The following SLC6A9 variants were observed in gnomAD, a reference collection of about 807,000 sequenced individuals.
The protein encoded by SLC6A9 is solute carrier family 6 member 9.
In SLC6A9, 31 loss-of-function variants were observed where a neutral mutation model predicts 70.9. The ratio of observed to expected loss-of-function variants is 0.44; its 90% CI spans 0.33 to 0.59. The LOEUF is 0.59. Ranked by LOEUF, SLC6A9 falls within the 20% of genes least tolerant of loss-of-function variation. The pLI is 0.04. For missense variants in SLC6A9, 631 were observed against 845.2 expected, an observed-to-expected ratio of 0.75 and a Z score of 3.14; for synonymous variants, 310 against 341.3, an observed-to-expected ratio of 0.91 and a Z score of 1.01.
chr1:44,011,565 G>A (rs750093782), intron 2 of SLC6A9: 1 of 1,613,616 alleles, frequency 6.2e-7, no homozygotes, highest in Non-Finnish European at 8.5e-7. Context: ...GCTGACCTGG[G>A]CCATGGCTAG....
At chr1:44,028,268 G>C (rs1341012885) in intron 1 of SLC6A9, among the ~76,000 whole-genome samples, 2 of 152,168 alleles carry the variant, frequency 1.3e-5, no homozygotes, top group African/African-American at 4.8e-5. Context: ...AGAGAGGCCT[G>C]GCCAGGGCCT....
chr1:44,027,650 C>A (rs1344329502), intron 1 of SLC6A9, among the ~76,000 whole-genome samples: 1 of 152,182 alleles, frequency 6.6e-6, no homozygotes. Flanking sequence ...GACTAAGGGG[C>A]AAGAGTTAAA....
intron 2 of SLC6A9, chr1:44,011,516 C>G (rs2154306167): frequency 1.3e-6 from 2 of 1,575,702 alleles, no homozygotes; most frequent in East Asian, 4.5e-5. Flanking sequence ...GTCCGGGGAG[C>G]TAGCTACACT....
At chr1:44,011,498 G>A (rs1483054443) in intron 2 of SLC6A9, 1 of 1,420,226 alleles carries the variant, frequency 7.0e-7, no homozygotes, top group African/African-American at 1.4e-5. Flanking sequence ...GGGACTCTAG[G>A]TGGGAGGGTC....
intron 2 of SLC6A9, among the ~76,000 whole-genome samples, chr1:44,014,247 G>A (rs1430073098): frequency 6.6e-6 from 1 of 152,094 alleles, no homozygotes; most frequent in Admixed American, 6.5e-5. Flanking sequence ...TCCCTAGGCA[G>A]CCCCTATGTG....
intron 2 of SLC6A9, among the ~76,000 whole-genome samples, chr1:44,019,031 A>C (rs1205778371): frequency 1.3e-5 from 2 of 152,232 alleles, no homozygotes; most frequent in Non-Finnish European, 2.9e-5. Context: ...GTTTCTCACC[A>C]TATATAACCT....
chr1:44,025,491 C>CAAAA (rs924105808), intron 1 of SLC6A9, among the ~76,000 whole-genome samples: 9 of 93,254 alleles, frequency 9.7e-5, no homozygotes, highest in African/African-American at 3.2e-4. Context: ...GGTTCCGTCT[C>CAAAA]AAAAAAAAAA....
rs1235602993 is a variant in SLC6A9 at position 44,008,710 on chromosome 1, C to CT, written c.320-88dup. 0.11 allele frequency: 83,352 copies of CT among 767,640 alleles called. 135 individuals are homozygous for CT. The highest frequency in any genetic ancestry group is 0.12 in the East Asian group (3,577 of 29,222). The allele number at this position is 767,640 out of a possible 1,614,324, so 47.6% of individuals were successfully genotyped here. The stretch of plus-strand genomic sequence containing the variant: ...TAATTTCTTTTTTTTCTTTTCTTTT[C>CT]TTTTTTTTTTTTTGAGATGGAGTCT... On this transcript the variant is annotated intron_variant, in intron 4 of 13. Coordinates refer to ENST00000372310, the MANE Select transcript of SLC6A9 (RefSeq NM_001024845.3).
Position 43,997,439 on chromosome 1 carries a change from G to T in SLC6A9, c.*106C>A. 1.0e-6 allele frequency: 1 copy of T among 985,532 alleles called. No individual in the cohort carries two copies. Among genetic ancestry groups the T allele is most frequent in the Non-Finnish European group, 1.6e-6 (1 of 631,642 alleles). The allele number at this position is 985,532 out of a possible 1,614,324, so 61.0% of individuals were successfully genotyped here. On this transcript the variant is annotated 3_prime_UTR_variant, in exon 14 of 14. Coordinates refer to ENST00000372310, the MANE Select transcript of SLC6A9 (RefSeq NM_001024845.3). The surrounding 1 kb of genome is among the most constrained non-coding windows in gnomAD (Gnocchi z 4.4). The stretch of plus-strand genomic sequence containing the variant: ...TGACCAAGGTGACAGCAGCCGTCCT[G>T]GCCAGGGCGTGGCAGGGGGCAGGCA...
At position 43,997,971 on chromosome 1, in the gene SLC6A9, G is replaced by T; in HGVS notation, c.1591C>A (p.Gln531Lys). Reference sequence around the variant, plus strand: ...ATGGCCACGGCCCAGCCTGGGTACTGGTAGTGGTTGTAGGTGATCGGCTGG... The same window carrying T: ...ATGGCCACGGCCCAGCCTGGGTACTTGTAGTGGTTGTAGGTGATCGGCTGG... ...QYQPITYNHY[Q>K]YPGWAVAIGF... Residue 531 changes from glutamine (Q) to lysine (K), a missense_variant, in exon 13 of 14, where the codon CAG (glutamine) becomes AAG (lysine). Gln to Lys is a moderately conservative substitution (Grantham distance 53). Transcript: ENST00000372310. The surrounding 1 kb of genome is among the most constrained non-coding windows in gnomAD (Gnocchi z 4.4). The T allele has an allele frequency of 6.2e-7, 1 of 1,614,116 alleles. No homozygotes were observed. The highest frequency in any genetic ancestry group is 8.5e-7 in the Non-Finnish European group (1 of 1,179,988).
intron 1 of SLC6A9, among the ~76,000 whole-genome samples, chr1:44,025,714 C>T (rs923331329): frequency 6.6e-6 from 1 of 151,526 alleles, no homozygotes; most frequent in Non-Finnish European, 1.5e-5. Context: ...GCAGAAGAAT[C>T]GCTGGAACCT....
At chr1:44,021,219 C>T (rs2086876515) in intron 2 of SLC6A9, among the ~76,000 whole-genome samples, 1 of 151,996 alleles carries the variant, frequency 6.6e-6, no homozygotes, top group Non-Finnish European at 1.5e-5. Flanking sequence ...GACCACCCCA[C>T]CCACCCCCTA....
intron 4 of SLC6A9, among the ~76,000 whole-genome samples, chr1:44,009,407 T>TAG (rs1215883441): frequency 6.6e-6 from 1 of 151,998 alleles, no homozygotes; most frequent in Admixed American, 6.6e-5. Context: ...GTATTTTTAG[T>TAG]AGAGACAGGG....
At position 44,010,785 on chromosome 1, in the gene SLC6A9, T is replaced by C. The variant is rs1557683107; in HGVS notation, c.128A>G (p.Tyr43Cys). The C allele has an allele frequency of 1.2e-6, 2 of 1,614,188 alleles. No homozygotes were observed. Among genetic ancestry groups the C allele is most frequent in the South Asian group, 1.1e-5 (1 of 91,080 alleles). ...CCAGACATTGCCCAGGCCCACGGCA[T>C]AGCCCACGCTCGTCAGTACAAACTC... The part of the protein sequence containing the change: ...QIEFVLTSVG[Y>C]AVGLGNVWRF... Residue 43 changes from tyrosine (Y) to cysteine (C), a missense_variant, in exon 3 of 14, where the codon TAT (tyrosine) becomes TGT (cysteine). Tyr to Cys is a radical substitution (Grantham distance 194, BLOSUM62 -2). Transcript: ENST00000372310.
intron 1 of SLC6A9, among the ~76,000 whole-genome samples, chr1:44,027,662 C>T (rs1356324987): frequency 7.2e-5 from 11 of 152,172 alleles, no homozygotes. Flanking sequence ...AGAGTTAAAC[C>T]AATGACTAAA....
chr1:44,008,326 C>G (rs773028131), intron 5 of SLC6A9, 27 bp downstream of exon 5: 9 of 1,610,462 alleles, frequency 5.6e-6, no homozygotes, highest in Admixed American at 3.3e-5. Flanking sequence ...CAGGTTCCCC[C>G]CACCCCAGGT....
In SLC6A9 at chr1:44,002,434, T is replaced by A; in HGVS notation, c.859-18A>T. 1 of 1,613,388 alleles carries A rather than the reference T, an allele frequency of 6.2e-7. No homozygotes were observed. Among genetic ancestry groups the A allele is most frequent in the Non-Finnish European group, 8.5e-7 (1 of 1,179,348 alleles). The stretch of plus-strand genomic sequence containing the variant: ...CCCCACACCTGCAGGGAAGGACCGG[T>A]GGGTGAGGAGCTGTGGGCAGAGGCA... On this transcript the variant is annotated intron_variant, in intron 7 of 13. Transcript: ENST00000372310. This position sits in a 1 kb window ranked among gnomAD's most constrained non-coding sequence, Gnocchi z 5.5.
intron 5 of SLC6A9, among the ~76,000 whole-genome samples, chr1:44,005,932 G>A (rs1161771250): frequency 6.6e-6 from 1 of 152,164 alleles, no homozygotes; most frequent in Non-Finnish European, 1.5e-5. Context: ...AGAGTGCAGC[G>A]GCTCCACCAG....
rs144648848 is a variant in SLC6A9 at position 44,004,276 on chromosome 1, G to A, written c.591-1291C>T. On this transcript the variant is annotated intron_variant, in intron 5 of 13. Transcript: ENST00000372310. ...CTCCCAAAGTGCTGGGATTACAGGCGTGAGCCACCACGCCTGGCCTGAAGG... is the reference window on the plus strand; with the variant it reads ...CTCCCAAAGTGCTGGGATTACAGGCATGAGCCACCACGCCTGGCCTGAAGG... Among the ~76,000 whole-genome samples the A allele has an allele frequency of 7.1e-3, 1,062 of 148,672 alleles. 20 individuals are homozygous for A. The highest frequency in any genetic ancestry group is 0.025 in the African/African-American group (997 of 40,290).
Sources: allele counts gnomAD v4.1 joint callset (sites outside exome capture counted in the v4.1 genomes callset), GRCh38; gene constraint gnomAD v4.1.1; non-coding constraint Gnocchi (gnomAD v3.1); transcripts MANE v1.5; gene names NCBI Gene and HGNC (gene_info 2026-07-23, HGNC 2026-07-21).